Variants in GFRA1 observed in about 807,000 individuals in gnomAD.
GFRA1 encodes the protein GDNF family receptor alpha-1.
In GFRA1, 16 loss-of-function variants were observed where a neutral mutation model predicts 51.6. That is an observed-to-expected ratio of 0.31 (90% CI 0.21 to 0.47). The LOEUF is 0.47. Among genes scored for constraint, GFRA1 ranks in the 20% least tolerant of loss-of-function variants. The pLI is 1.00. For synonymous variants in GFRA1, 270 were observed against 241.3 expected (o/e 1.12, Z -1.10); for missense variants, 530 against 594.3 (o/e 0.89, Z 1.13).
chr10:116,140,124 A>AT (rs1770433712), intron 5 of GFRA1, among the ~76,000 whole-genome samples: 1 of 152,190 alleles, frequency 6.6e-6, no homozygotes. Flanking sequence ...TAAGGTAGGA[A>AT]ATATGGTAGA....
intron 4 of GFRA1, among the ~76,000 whole-genome samples, chr10:116,259,481 G>A (rs1969138774): frequency 6.6e-6 from 1 of 152,156 alleles, no homozygotes; most frequent in Admixed American, 6.5e-5. Flanking sequence ...TATTTCTGCA[G>A]TTCTGCAGGA....
chr10:116,148,463 C>T (rs1958927795), intron 5 of GFRA1, among the ~76,000 whole-genome samples: 1 of 151,824 alleles, frequency 6.6e-6, no homozygotes, highest in African/African-American at 2.4e-5. Context: ...TCTGTGCCTC[C>T]ATTTCCTCAT....
chr10:116,070,285 C>T (rs1322661958), intron 9 of GFRA1, among the ~76,000 whole-genome samples: 1 of 152,168 alleles, frequency 6.6e-6, no homozygotes, highest in African/African-American at 2.4e-5. Context: ...CAACTTTGCT[C>T]TCCAGCACTC....
intron 5 of GFRA1, among the ~76,000 whole-genome samples, chr10:116,164,115 C>G (rs78699575): frequency 0.027 from 4,138 of 152,214 alleles, 182 homozygotes; most frequent in African/African-American, 0.094. Context: ...CAATGTCGCA[C>G]AGGCCCTGCT....
chr10:116,076,351 C>T (rs563671642), intron 9 of GFRA1, among the ~76,000 whole-genome samples: 1 of 152,132 alleles, frequency 6.6e-6, no homozygotes, highest in African/African-American at 2.4e-5. Context: ...TACATTGTTC[C>T]CAAGGAACAC....
upstream of GFRA1, among the ~76,000 whole-genome samples, chr10:116,273,644 ACACTCTCTCT>A (rs763095421): frequency 5.9e-4 from 87 of 146,470 alleles, no homozygotes; most frequent in Admixed American, 4.7e-4. Context: ...CCAGACACAC[ACACTCTCTCT>A]CTCTCTCTCT....
chr10:116,269,645 T>C lies in GFRA1; in HGVS notation c.335-59A>G, dbSNP rs1969944243. The stretch of plus-strand genomic sequence containing the variant: ...AAAAACATATATTTCAAGCAGGTTT[T>C]TGCTGCTGAATCTGAATTCTAATTA... On this transcript the variant is annotated intron_variant, in intron 3 of 10. Coordinates refer to ENST00000355422, the MANE Select transcript of GFRA1 (RefSeq NM_005264.8). 7 of 1,012,354 alleles carry C rather than the reference T, an allele frequency of 6.9e-6. No individual in the cohort carries two copies. In the Admixed American group the frequency reaches 1.2e-4, roughly 17 times the overall value. The allele number at this position is 1,012,354 out of a possible 1,614,324, so 62.7% of individuals were successfully genotyped here. A position where few individuals can be genotyped will look rare whatever the true frequency, so the allele number is the denominator to read the frequency against.
At chr10:116,214,617 GA>G (rs1455807457) in intron 4 of GFRA1, among the ~76,000 whole-genome samples, 6 of 152,204 alleles carry the variant, frequency 3.9e-5, no homozygotes, top group Non-Finnish European at 8.8e-5. Flanking sequence ...ACAAATTAGA[GA>G]TTTATCATTC....
intron 2 of GFRA1, 128 bp from the exon 3 acceptor site, chr10:116,271,243 CGGGTCCACCTCTCGACCATCCG>C: frequency 8.7e-6 from 6 of 687,928 alleles, no homozygotes; most frequent in Non-Finnish European, 1.4e-5. Context: ...GCTCTGGGAG[CGGGTCCACCTCTCGACCATCCG>C]GGAGTCCATT....
At chr10:116,120,991 G>A (rs764128521) in intron 6 of GFRA1, among the ~76,000 whole-genome samples, 3 of 152,152 alleles carry the variant, frequency 2.0e-5, no homozygotes, top group African/African-American at 4.8e-5. Flanking sequence ...AAGGCGTTTT[G>A]GAGTCTACCT....
At chr10:116,174,012 A>G (rs983056152) in intron 5 of GFRA1, among the ~76,000 whole-genome samples, 1 of 152,134 alleles carries the variant, frequency 6.6e-6, no homozygotes, top group African/African-American at 2.4e-5. Context: ...CCTGGGAGGC[A>G]GAGGTTGTGG....
At chr10:116,079,193 C>T (rs191267660) in intron 9 of GFRA1, among the ~76,000 whole-genome samples, 57 of 152,136 alleles carry the variant, frequency 3.7e-4, no homozygotes, top group African/African-American at 1.3e-3. Context: ...TGGAAGAGAG[C>T]GCTCACTGGG....
chr10:116,141,035 T>C (rs1958541121), intron 5 of GFRA1, among the ~76,000 whole-genome samples: 1 of 152,202 alleles, frequency 6.6e-6, no homozygotes, highest in Admixed American at 6.5e-5. Context: ...AGTATGATGG[T>C]AATAATGTAG....
chr10:116,126,072 C>T (rs985681575), intron 5 of GFRA1, among the ~76,000 whole-genome samples: 1 of 152,134 alleles, frequency 6.6e-6, no homozygotes, highest in African/African-American at 2.4e-5. Context: ...AAATATTATG[C>T]CAGATTCTCT....
In GFRA1 at chr10:116,087,590, T is replaced by C. The variant is rs988927815; in HGVS notation, c.1197+2151A>G. ...ACTGAGACACGTGCAGAAAAGAAGCTGGTTTTGCTGTAGCCAGAACTTGCC... is the reference window on the plus strand; with the variant it reads ...ACTGAGACACGTGCAGAAAAGAAGCCGGTTTTGCTGTAGCCAGAACTTGCC... On this transcript the variant is annotated intron_variant, in intron 9 of 10. Transcript: ENST00000355422. Among the ~76,000 whole-genome samples, 7 of 152,200 alleles carry C rather than the reference T, an allele frequency of 4.6e-5. No homozygotes were observed. In the East Asian group the frequency reaches 5.8e-4, roughly 13 times the overall value.
At chr10:116,105,003 C>G (rs1035403484) in intron 6 of GFRA1, among the ~76,000 whole-genome samples, 2 of 152,206 alleles carry the variant, frequency 1.3e-5, no homozygotes, top group Non-Finnish European at 2.9e-5. Flanking sequence ...TCCAACAACC[C>G]TGTGCTGCAT....
chr10:116,181,157 T>A (rs1193800843), intron 5 of GFRA1, among the ~76,000 whole-genome samples: 1 of 152,208 alleles, frequency 6.6e-6, no homozygotes, highest in Non-Finnish European at 1.5e-5. Flanking sequence ...ATAGGTATAA[T>A]AAGGTGCTTG....
intron 5 of GFRA1, among the ~76,000 whole-genome samples, chr10:116,144,139 C>A (rs1392154652): frequency 6.6e-6 from 1 of 152,044 alleles, no homozygotes; most frequent in Non-Finnish European, 1.5e-5. Flanking sequence ...TCTGCTAGAC[C>A]ATGTTTTAAG....
chr10:116,217,673 G>C (rs925991888), intron 4 of GFRA1, among the ~76,000 whole-genome samples: 3 of 152,190 alleles, frequency 2.0e-5, no homozygotes, highest in African/African-American at 7.2e-5. Context: ...CTCAGGTTCT[G>C]AAGTCAGAGC....
Sources: allele counts gnomAD v4.1 joint callset (sites outside exome capture counted in the v4.1 genomes callset), GRCh38; gene constraint gnomAD v4.1.1; transcripts MANE v1.5; gene names NCBI Gene and HGNC (gene_info 2026-07-23, HGNC 2026-07-21).